Variants in ARAP2 observed in about 807,000 individuals in gnomAD.
ARAP2 encodes ArfGAP with RhoGAP domain, ankyrin repeat and PH domain 2, also known as arf-GAP with Rho-GAP domain, ANK repeat and PH domain-containing protein 2.
ARAP2 carries 148 observed loss-of-function variants against 194.5 expected under a neutral mutation model. That is an observed-to-expected ratio of 0.76 (90% CI 0.67 to 0.87). The LOEUF (loss-of-function observed/expected upper bound fraction) is 0.87. Among genes scored for constraint, ARAP2 ranks in the 40% least tolerant of loss-of-function variants. The probability of loss-of-function intolerance (pLI) is 0.00; values close to 1 mark genes in which losing one functional copy is unlikely to be tolerated. For synonymous variants in ARAP2, 695 were observed against 683.5 expected (o/e 1.02, Z -0.26); for missense variants, 2,128 against 1,989.7 (o/e 1.07, Z -1.32).
At chr4:36,230,711 C>T (rs949767198) in intron 1 of ARAP2, among the ~76,000 whole-genome samples, 1 of 152,158 alleles carries the variant, frequency 6.6e-6, no homozygotes, top group African/African-American at 2.4e-5. Flanking sequence ...CACACATACA[C>T]TGAAGTAATA....
At chr4:36,194,910 G>C (rs544014282) in intron 6 of ARAP2, among the ~76,000 whole-genome samples, 1 of 151,912 alleles carries the variant, frequency 6.6e-6, no homozygotes, top group Non-Finnish European at 1.5e-5. Flanking sequence ...TTGGCCAGGC[G>C]TGGTGGCTCA....
intron 20 of ARAP2, 41 bp from the exon 21 acceptor site, chr4:36,128,786 T>G: frequency 6.8e-7 from 1 of 1,468,230 alleles, no homozygotes; most frequent in Non-Finnish European, 9.3e-7. Flanking sequence ...AAAGTCTAAA[T>G]TCAAAAGCCA....
At chr4:36,011,463 C>G (rs1714535087) in intron 9 of ARAP2, among the ~76,000 whole-genome samples, 1 of 152,132 alleles carries the variant, frequency 6.6e-6, no homozygotes, top group Admixed American at 6.5e-5. Flanking sequence ...CTACAGTAGA[C>G]AAAGTCTGCC....
At position 36,121,317 on chromosome 4, in the gene ARAP2, T is replaced by C. The variant is rs753333044; in HGVS notation, c.3756A>G (p.Lys1252=). Residue 1252 remains lysine (K), a synonymous_variant, in exon 23 of 33, where the codon AAA becomes AAG. Transcript: ENST00000303965. ...AIIEHLYRVQ[K]CSEINHMNAH... is the part of the protein sequence containing the mutation. ...CATTCATGTGATTGATTTCTGAGCA[T>C]TTCTGAACCCTGTCAGAGAAAAGCA... 16 of 1,590,264 alleles carry C rather than the reference T, an allele frequency of 1.0e-5. No individual in the cohort carries two copies. Among genetic ancestry groups the C allele is most frequent in the Admixed American group, 1.7e-5 (1 of 57,212 alleles).
At chr4:36,124,756 A>C in intron 22 of ARAP2, 106 bp downstream of exon 22, 1 of 614,074 alleles carries the variant, frequency 1.6e-6, no homozygotes, top group Non-Finnish European at 2.8e-6. Flanking sequence ...AAGAGAGACT[A>C]AGGTGAGTTC....
intron 27 of ARAP2, among the ~76,000 whole-genome samples, chr4:36,103,614 T>C (rs1357377974): frequency 6.6e-6 from 1 of 151,788 alleles, no homozygotes; most frequent in South Asian, 2.1e-4. Flanking sequence ...TTCAAATTAG[T>C]TAGCTCTTTT....
At chr4:36,088,505 C>G (rs1318641716) in intron 28 of ARAP2, among the ~76,000 whole-genome samples, 1 of 152,076 alleles carries the variant, frequency 6.6e-6, no homozygotes, top group Non-Finnish European at 1.5e-5. Context: ...ATAGTAACCA[C>G]TTGATACCCA....
intron 29 of ARAP2, 60 bp from the exon 30 acceptor site, chr4:36,082,346 A>G: frequency 6.6e-7 from 1 of 1,505,422 alleles, no homozygotes; most frequent in Non-Finnish European, 9.1e-7. Flanking sequence ...TACAAGACAG[A>G]AAACAGGATT....
At chr4:36,131,087 A>G (rs1237977702) in intron 20 of ARAP2, among the ~76,000 whole-genome samples, 1 of 151,786 alleles carries the variant, frequency 6.6e-6, no homozygotes, top group African/African-American at 2.4e-5. Context: ...ATTTTAACCC[A>G]CAGGTCAGGG....
rs1438015277 is a variant in ARAP2 at position 36,012,536 on chromosome 4, T to C, written n.1325+27A>G. 2.0e-5 allele frequency: 3 copies of C among 152,374 alleles called. No homozygotes were observed. In the East Asian group the frequency reaches 5.8e-4, roughly 29 times the overall value. 9.4% of individuals were successfully genotyped at this position (152,374 alleles called of 1,614,324 possible). On this transcript the variant is annotated intron_variant and non_coding_transcript_variant, in intron 9 of 12. Coordinates refer to the ARAP2 transcript ENST00000503225. ...CTTGTCCTGCACATTTGTATAACTT[T>C]ATAAAATCTACAGCAAAATCACTTA... is the stretch of plus-strand genomic sequence containing the variant.
intron 2 of ARAP2, among the ~76,000 whole-genome samples, 170 bp from the exon 3 acceptor site, chr4:36,214,650 A>G (rs1578303960): frequency 6.6e-6 from 1 of 152,334 alleles, no homozygotes; most frequent in Non-Finnish European, 1.5e-5. Flanking sequence ...ATATTCAGAA[A>G]TTAATTCTGA....
intron 2 of ARAP2, among the ~76,000 whole-genome samples, chr4:36,222,478 A>G (rs898256909): frequency 6.6e-6 from 1 of 151,902 alleles, no homozygotes; most frequent in African/African-American, 2.4e-5. Flanking sequence ...AAATATATAT[A>G]TTAATGTGGA....
intron 12 of ARAP2, 144 bp from the exon 13 acceptor site, chr4:36,160,785 A>G (rs1733718684): frequency 1.5e-6 from 1 of 683,454 alleles, no homozygotes; most frequent in African/African-American, 1.9e-5. Flanking sequence ...TATTCCAGAA[A>G]AAGGAAGTAT....
chr4:36,164,930 G>A lies in ARAP2; in HGVS notation c.2157C>T (p.Ile719=), dbSNP rs1413939299. Residue 719 remains isoleucine, a synonymous_variant, in exon 11 of 33, where the codon ATC becomes ATT. Coordinates refer to ENST00000303965, the MANE Select transcript of ARAP2 (RefSeq NM_015230.4). Reference sequence around the variant, plus strand: ...ACTAATTACCTGCACACTTCTTACAGATGACAACACAGAGATTGATGGATG... The same window carrying A: ...ACTAATTACCTGCACACTTCTTACAAATGACAACACAGAGATTGATGGATG... The part of the protein sequence containing the change: ...DWASINLCVV[I]CKKCAGQHRS... The A allele has an allele frequency of 6.2e-7, 1 of 1,614,000 alleles. No homozygotes were observed. The highest frequency in any genetic ancestry group is 8.5e-7 in the Non-Finnish European group (1 of 1,179,888).
At chr4:36,127,520 T>C (rs1724247108) in intron 21 of ARAP2, among the ~76,000 whole-genome samples, 1 of 152,038 alleles carries the variant, frequency 6.6e-6, no homozygotes, top group African/African-American at 2.4e-5. Flanking sequence ...AATTAATCTC[T>C]TTAAATATAT....
intron 20 of ARAP2, among the ~76,000 whole-genome samples, chr4:36,129,926 C>T (rs1725004710): frequency 6.6e-6 from 1 of 151,866 alleles, no homozygotes; most frequent in East Asian, 1.9e-4. Flanking sequence ...TACTACCTCA[C>T]CTTCCACCCC....
chr4:36,100,079 T>C (rs1394427848), intron 27 of ARAP2, among the ~76,000 whole-genome samples: 1 of 152,088 alleles, frequency 6.6e-6, no homozygotes, highest in Non-Finnish European at 1.5e-5. Context: ...TGGAGCGATC[T>C]TGACTATAAT....
intron 15 of ARAP2, among the ~76,000 whole-genome samples, chr4:36,153,760 C>A (rs1423305442): frequency 6.6e-6 from 1 of 152,192 alleles, no homozygotes; most frequent in Non-Finnish European, 1.5e-5. Context: ...AACTCATAGG[C>A]TAACTGGAAG....
At chr4:36,218,016 A>T (rs1748350106) in intron 2 of ARAP2, among the ~76,000 whole-genome samples, 1 of 152,012 alleles carries the variant, frequency 6.6e-6, no homozygotes, top group African/African-American at 2.4e-5. Context: ...AAGGACCAAT[A>T]ATGACAAATT....
Sources: allele counts gnomAD v4.1 joint callset (sites outside exome capture counted in the v4.1 genomes callset), GRCh38; gene constraint gnomAD v4.1.1; transcripts MANE v1.5; gene names NCBI Gene and HGNC (gene_info 2026-07-23, HGNC 2026-07-21).